The following HMGCLL1 variants were observed in gnomAD, a reference collection of about 807,000 sequenced individuals.
HMGCLL1 encodes the protein 3-hydroxy-3-methylglutaryl-CoA lyase like 1.
Under a neutral mutation model 39.1 loss-of-function variants are expected in HMGCLL1, and 36 were observed. That is an observed-to-expected ratio of 0.92 (90% CI 0.71 to 1.22). The LOEUF (loss-of-function observed/expected upper bound fraction) is 1.22. Ranked by LOEUF, HMGCLL1 falls within the 50% of genes most tolerant of loss-of-function variation. HMGCLL1 has a pLI of 0.00. For missense variants in HMGCLL1, 451 were observed against 416.5 expected, an observed-to-expected ratio of 1.08 and a Z score of -0.72; for synonymous variants, 149 against 144.0, an observed-to-expected ratio of 1.03 and a Z score of -0.25.
At chr6:55,512,936 T>C (rs958822098) in intron 5 of HMGCLL1, 4 of 152,130 alleles carry the variant, frequency 2.6e-5, no homozygotes. Context: ...TAGAAACAAA[T>C]TCTTCCTTAA....
Position 55,450,264 on chromosome 6 carries a change from T to G in HMGCLL1, c.796-10705A>C, listed in dbSNP as rs1369443138. Among the ~76,000 whole-genome samples the G allele has an allele frequency of 2.0e-5, 3 of 152,202 alleles. No homozygotes were observed. The South Asian group carries it at 6.2e-4, about 32-fold the overall frequency. On this transcript the variant is annotated intron_variant, in intron 7 of 8. Transcript: ENST00000274901. ...CTGGATTTATGCCATTGACAAATTT[T>G]GAAGTTGATCATTTCAGCAGAATGG...
upstream of HMGCLL1, among the ~76,000 whole-genome samples, chr6:55,583,257 C>T (rs1772015090): frequency 6.6e-6 from 1 of 151,860 alleles, no homozygotes; most frequent in Non-Finnish European, 1.5e-5. Flanking sequence ...AGGTTTGTTA[C>T]ATATGTATAC....
the HMGCLL1 span, among the ~76,000 whole-genome samples, chr6:55,665,529 A>G: frequency 2.2e-3 from 328 of 151,458 alleles, 1 homozygote; most frequent in African/African-American, 7.3e-3. Flanking sequence ...AACAAGTGGT[A>G]CTCCCTCTCT....
chr6:55,478,436 T>C (rs1765571241), intron 7 of HMGCLL1, among the ~76,000 whole-genome samples: 2 of 151,492 alleles, frequency 1.3e-5, no homozygotes, highest in African/African-American at 2.4e-5. Context: ...TGAATAATCC[T>C]ACAAATTTTA....
the HMGCLL1 span, among the ~76,000 whole-genome samples, chr6:55,628,874 T>C: frequency 6.6e-6 from 1 of 152,152 alleles, no homozygotes; most frequent in Non-Finnish European, 1.5e-5. Flanking sequence ...TTCCTCTTTG[T>C]CTTTCACCAT....
chr6:55,535,282 T>A (rs552264750), intron 3 of HMGCLL1, among the ~76,000 whole-genome samples: 1 of 152,318 alleles, frequency 6.6e-6, no homozygotes, highest in Non-Finnish European at 1.5e-5. Flanking sequence ...ATGACAACTC[T>A]TATAAGGAAG....
At chr6:55,521,472 A>G (rs560758587) in intron 3 of HMGCLL1, among the ~76,000 whole-genome samples, 1 of 152,092 alleles carries the variant, frequency 6.6e-6, no homozygotes, top group African/African-American at 2.4e-5. Flanking sequence ...TATTGGCATC[A>G]TTTTTCCAAC....
the HMGCLL1 span, among the ~76,000 whole-genome samples, chr6:55,607,085 G>T: frequency 2.6e-5 from 4 of 152,108 alleles, no homozygotes; most frequent in African/African-American, 9.7e-5. Flanking sequence ...CTCTCTGCTT[G>T]TCTCTCTGAT....
At chr6:55,607,556 C>A in the HMGCLL1 span, among the ~76,000 whole-genome samples, 1 of 152,046 alleles carries the variant, frequency 6.6e-6, no homozygotes, top group Non-Finnish European at 1.5e-5. Flanking sequence ...TTCTCACGGC[C>A]GCCCACACAG....
At chr6:55,511,728 A>C (rs1767473975) in intron 5 of HMGCLL1, among the ~76,000 whole-genome samples, 1 of 152,220 alleles carries the variant, frequency 6.6e-6, no homozygotes, top group Non-Finnish European at 1.5e-5. Context: ...ACCTAAAATC[A>C]GATTGCCAGT....
At chr6:55,622,002 A>G in the HMGCLL1 span, among the ~76,000 whole-genome samples, 1 of 151,920 alleles carries the variant, frequency 6.6e-6, no homozygotes, top group Admixed American at 6.6e-5. Flanking sequence ...TCTTTGGTTA[A>G]TTTTATTCCT....
At chr6:55,674,240 G>T in the HMGCLL1 span, among the ~76,000 whole-genome samples, 1 of 151,734 alleles carries the variant, frequency 6.6e-6, no homozygotes, top group Non-Finnish European at 1.5e-5. Context: ...TAAAGGAAAA[G>T]TAAGTTAGTT....
chr6:55,584,512 G>A, the HMGCLL1 span, among the ~76,000 whole-genome samples: 1 of 152,048 alleles, frequency 6.6e-6, no homozygotes, highest in African/African-American at 2.4e-5. Context: ...CAGGGTTGTT[G>A]GCACTGTCTA....
At position 55,435,526 on chromosome 6, in the gene HMGCLL1, C is replaced by A. The variant is rs918943394; in HGVS notation, c.*136G>T. On this transcript the variant is annotated 3_prime_UTR_variant, in exon 9 of 9. Transcript: ENST00000274901. ...TTGACTTAATCTATCCAGTTATAAT[C>A]TTTTTGAAAAGGATCTCTTTTTTCC... 12 of 459,306 alleles carry A rather than the reference C, an allele frequency of 2.6e-5. No individual in the cohort carries two copies. Among genetic ancestry groups the A allele is most frequent in the South Asian group, 1.5e-4 (3 of 19,628 alleles). The allele number at this position is 459,306 out of a possible 1,614,324, so 28.5% of individuals were successfully genotyped here.
chr6:55,477,440 A>ATATAATATATATTATAT (rs1765504683), intron 7 of HMGCLL1, among the ~76,000 whole-genome samples: 1 of 52,636 alleles, frequency 1.9e-5, no homozygotes, highest in African/African-American at 7.2e-5. Flanking sequence ...ATTATATATT[A>ATATAATATATATTATAT]TATATATAAT....
At chr6:55,621,230 C>T in the HMGCLL1 span, among the ~76,000 whole-genome samples, 1 of 152,124 alleles carries the variant, frequency 6.6e-6, no homozygotes, top group African/African-American at 2.4e-5. Context: ...GACATTTTAA[C>T]AACATTGATT....
intron 3 of HMGCLL1, among the ~76,000 whole-genome samples, chr6:55,519,087 T>G (rs1767897175): frequency 6.6e-6 from 1 of 152,160 alleles, no homozygotes; most frequent in African/African-American, 2.4e-5. Context: ...AATCACACAC[T>G]GTGATGTGTC....
chr6:55,641,884 TTA>T, the HMGCLL1 span, among the ~76,000 whole-genome samples: 480 of 114,616 alleles, frequency 4.2e-3, 5 homozygotes, highest in Middle Eastern at 0.013. Flanking sequence ...TTATTTTTAT[TTA>T]TTTATTTATT....
intron 5 of HMGCLL1, among the ~76,000 whole-genome samples, chr6:55,504,405 C>T (rs780176259): frequency 2.6e-5 from 4 of 151,490 alleles, no homozygotes; most frequent in South Asian, 2.1e-4. Context: ...ATGTACTTGC[C>T]GGTTTTGGCA....
Sources: gnomAD v4.1 joint callset for allele counts (sites outside exome capture counted in the v4.1 genomes callset) on GRCh38, gnomAD v4.1.1 for gene constraint, MANE v1.5 for transcripts, NCBI Gene and HGNC (gene_info 2026-07-23, HGNC 2026-07-21) for gene names.